FOXP3: variants seen among roughly 807,000 people sequenced by gnomAD.
FOXP3 encodes forkhead box P3, also known as forkhead box protein P3.
A neutral mutation model predicts 31.2 loss-of-function variants in FOXP3; 5 were observed. That is an observed-to-expected ratio of 0.16 (90% CI 0.08 to 0.34). The LOEUF is 0.34. Ranked by LOEUF, FOXP3 falls within the 10% of genes least tolerant of loss-of-function variation. The pLI is 1.00. For synonymous variants in FOXP3, 141 were observed against 148.8 expected, an observed-to-expected ratio of 0.95 and a Z score of 0.38; for missense variants, 251 against 363.0, an observed-to-expected ratio of 0.69 and a Z score of 2.51.
intron 1 of FOXP3, among the ~76,000 whole-genome samples, chrX:49,261,551 CCTGA>C (rs1299661695): frequency 8.0e-5 from 9 of 112,583 alleles, no homozygotes; most frequent in Non-Finnish European, 1.5e-4. Context: ...GGACACACAG[CCTGA>C]CTGACTGACA....
chrX:49,257,258 T>C (rs2066080061), intron 4 of FOXP3, among the ~76,000 whole-genome samples, 169 bp downstream of exon 4: 1 of 112,605 alleles, frequency 8.9e-6, no homozygotes, highest in African/African-American at 3.2e-5. Context: ...TCTGCATCTT[T>C]AAGGTTCTGC....
chrX:49,259,760 GA>G (rs2090741279), intron 1 of FOXP3, among the ~76,000 whole-genome samples: 1 of 111,696 alleles, frequency 9.0e-6, no homozygotes, highest in Non-Finnish European at 1.9e-5. Flanking sequence ...TACAGAAGGG[GA>G]TGCTCAGATG....
intron 1 of FOXP3, among the ~76,000 whole-genome samples, chrX:49,263,853 C>CA (rs1318680636): frequency 1.9e-5 from 2 of 108,011 alleles, no homozygotes; most frequent in Non-Finnish European, 3.9e-5. Context: ...GTGCTCCCTG[C>CA]CCCCCCGCCC....
At chrX:49,251,579 T>A in intron 11 of FOXP3, 85 bp downstream of exon 11, 1 of 1,209,045 alleles carries the variant, frequency 8.3e-7, no homozygotes, top group African/African-American at 1.7e-5. Context: ...CCAATGTGCC[T>A]ATGAGCCCAG....
Position 49,251,495 on chromosome X carries a change from C to A in FOXP3, c.1147-12G>T. The A allele has an allele frequency of 1.7e-6, 2 of 1,211,671 alleles. No individual in the cohort carries two copies. The highest frequency in any genetic ancestry group is 3.0e-5 in the East Asian group (1 of 33,855). On this transcript the variant is annotated splice_polypyrimidine_tract_variant and intron_variant, in intron 11 of 11. Coordinates refer to ENST00000376207, the MANE Select transcript of FOXP3 (RefSeq NM_014009.4). The stretch of plus-strand genomic sequence containing the variant: ...TGGCGGATGGCGTTCTGTGGAAGGC[C>A]GGGGACAGGGAGCAGGTGGGCGTCA...
At chrX:49,258,169 C>A in intron 2 of FOXP3, 127 bp downstream of exon 2, 1 of 541,213 alleles carries the variant, frequency 1.8e-6, no homozygotes. Context: ...ACAGACTTGC[C>A]TGGGACCCAG....
rs1052669727 is a variant in FOXP3 at position 49,261,463 on chromosome X, C to T, written c.-22-2936G>A. Among the ~76,000 whole-genome samples, 7 of 112,611 alleles carry T rather than the reference C, an allele frequency of 6.2e-5. No homozygotes were observed. In the East Asian group the frequency reaches 1.1e-3, roughly 18 times the overall value. On this transcript the variant is annotated intron_variant, in intron 1 of 11. Transcript: ENST00000376207. Reference sequence around the variant, plus strand: ...GGGGAGCTGGAAAAGCCTCAGCCTTCGCCAATACAGAGCCCATCATCAGAC... The same window carrying T: ...GGGGAGCTGGAAAAGCCTCAGCCTTTGCCAATACAGAGCCCATCATCAGAC...
rs1557115936 is a variant in FOXP3 at position 49,253,983 on chromosome X, C to T, written c.901G>A (p.Ala301Thr). 3 of 1,210,630 alleles carry T rather than the reference C, an allele frequency of 2.5e-6. No individual in the cohort carries two copies. Among genetic ancestry groups the T allele is most frequent in the Admixed American group, 4.3e-5 (2 of 46,014 alleles). ...VVPAWSGPRE[A>T]PDSLFAVRRH... ...CGGACAGCAAACAGGCTGTCAGGGG[C>T]CTCCCGGGGGCCAGACCAGGCTGGG... The change falls in exon 9 of 12, where the codon GCC becomes ACC. Residue 301 changes from alanine (A) to threonine (T), a missense_variant. Ala to Thr is a moderately conservative substitution (Grantham distance 58, BLOSUM62 0). Around this residue, in one of 4 missense-constraint regions of FOXP3, gnomAD observed 57 missense variants for 60.9 expected, o/e 0.94. Coordinates refer to ENST00000376207, the MANE Select transcript of FOXP3 (RefSeq NM_014009.4).
Position 49,253,225 on chromosome X carries a change from C to A in FOXP3, c.968-23G>T, listed in dbSNP as rs782523136. 117 of 1,174,441 alleles carry A rather than the reference C, an allele frequency of 1.0e-4. No homozygotes were observed. The South Asian group carries it at 2.1e-3, about 21-fold the overall frequency. On this transcript the variant is annotated intron_variant, in intron 9 of 11. Coordinates refer to ENST00000376207, the MANE Select transcript of FOXP3 (RefSeq NM_014009.4). ...ACTCTGTCAGAGGGTGGGGATGAAT[C>A]AAGCCCCATGCAGGACCTCCTAGCT...
chrX:49,252,124 A>T (rs2066037331), intron 10 of FOXP3, among the ~76,000 whole-genome samples: 1 of 105,959 alleles, frequency 9.4e-6, no homozygotes, highest in African/African-American at 3.5e-5. Context: ...GGGGAAGGTG[A>T]AGGGTCAGAA....
intron 6 of FOXP3, among the ~76,000 whole-genome samples, 181 bp downstream of exon 6, chrX:49,256,570 A>T (rs1303764859): frequency 8.9e-6 from 1 of 112,392 alleles, no homozygotes; most frequent in African/African-American, 3.2e-5. Flanking sequence ...GAGAGAAGCT[A>T]AGTAATTTGT....
At chrX:49,254,150 G>T (rs2066052682) in intron 8 of FOXP3, 83 bp from the exon 9 acceptor site, 2 of 1,056,316 alleles carry the variant, frequency 1.9e-6, no homozygotes, top group Admixed American at 2.8e-5. Flanking sequence ...TATTTTTTTT[G>T]ATACTGAGTC....
At position 49,254,062 on chromosome X, in the gene FOXP3, T is replaced by A. The variant is rs1557115956; in HGVS notation, c.822A>T (p.Ser274=). The change falls in exon 9 of 12, where the codon TCA becomes TCT. Residue 274 remains serine, a synonymous_variant. Transcript: ENST00000376207. The part of the protein sequence containing the change: ...MALTKASSVA[S]SDKGSCCIVA... ...CGATGCAGCAGGAGCCCTTGTCGGA[T>A]GATGCCTGGGTGAGGGGGAGAGGCT... 1 of 1,208,305 alleles carries A rather than the reference T, an allele frequency of 8.3e-7. No homozygotes were observed. The highest frequency in any genetic ancestry group is 1.1e-6 in the Non-Finnish European group (1 of 893,999).
chrX:49,258,865 A>G (rs2066093390), intron 1 of FOXP3, among the ~76,000 whole-genome samples: 1 of 112,580 alleles, frequency 8.9e-6, no homozygotes, highest in African/African-American at 3.2e-5. Flanking sequence ...TTCAAGCCTC[A>G]GGCCTCTAGC....
intron 10 of FOXP3, among the ~76,000 whole-genome samples, 192 bp downstream of exon 10, chrX:49,252,934 T>C (rs1464775475): frequency 9.1e-6 from 1 of 109,688 alleles, no homozygotes; most frequent in Non-Finnish European, 1.9e-5. Flanking sequence ...AGGTTTGGAT[T>C]TGCGGACAGG....
At chrX:49,257,811 A>C in intron 2 of FOXP3, 43 bp from the exon 3 acceptor site, 1 of 1,029,347 alleles carries the variant, frequency 9.7e-7, no homozygotes, top group African/African-American at 1.9e-5. Flanking sequence ...CCTGATCCTC[A>C]CTGTTCTGTG....
chrX:49,250,511 T>G lies in FOXP3; in HGVS notation c.*823A>C. The G allele has an allele frequency of 2.2e-6, 1 of 461,598 alleles. No individual in the cohort carries two copies. The highest frequency in any genetic ancestry group is 3.9e-6 in the Non-Finnish European group (1 of 253,182). 38.0% of individuals were successfully genotyped at this position (461,598 alleles called of 1,213,427 possible). A position where few individuals can be genotyped will look rare whatever the true frequency, so the allele number is the denominator to read the frequency against. On this transcript the variant is annotated 3_prime_UTR_variant, in exon 12 of 12. Coordinates refer to ENST00000376207, the MANE Select transcript of FOXP3 (RefSeq NM_014009.4). Reference sequence around the variant, plus strand: ...CCTTGGATCCCAAATAAATGAGTAGTTCCTCTGCAGTCTAAGCTGAGGCAT... The same window carrying G: ...CCTTGGATCCCAAATAAATGAGTAGGTCCTCTGCAGTCTAAGCTGAGGCAT...
intron 1 of FOXP3, among the ~76,000 whole-genome samples, chrX:49,260,597 T>C (rs904136741): frequency 8.9e-6 from 1 of 112,201 alleles, no homozygotes; most frequent in Non-Finnish European, 1.9e-5. Context: ...AGATGATCTG[T>C]CTGGGGGTAG....
intron 5 of FOXP3, 29 bp downstream of exon 5, chrX:49,256,896 G>A (rs781848530): frequency 5.0e-6 from 6 of 1,203,974 alleles, no homozygotes; most frequent in Middle Eastern, 2.3e-4. Flanking sequence ...ATAGGAGGGC[G>A]AGGATCCTTC....
Sources: allele counts gnomAD v4.1 joint callset (sites outside exome capture counted in the v4.1 genomes callset), GRCh38; gene constraint gnomAD v4.1.1; regional missense constraint gnomAD v4.1.1; transcripts MANE v1.5; gene names NCBI Gene and HGNC (gene_info 2026-07-23, HGNC 2026-07-21).